The following TMEM39B variants were observed in gnomAD, a reference collection of about 807,000 sequenced individuals.
The protein encoded by TMEM39B is transmembrane protein 39B.
A neutral mutation model predicts 52.2 loss-of-function variants in TMEM39B; 23 were observed. That is an observed-to-expected ratio of 0.44 (90% confidence interval 0.32 to 0.62). TMEM39B has a LOEUF of 0.62. Among genes scored for constraint, TMEM39B ranks in the 20% least tolerant of loss-of-function variants. The pLI, the probability that TMEM39B is intolerant of heterozygous loss-of-function variation, is 0.06. For synonymous variants in TMEM39B, 285 were observed against 264.0 expected (o/e 1.08, Z -0.77); for missense variants, 547 against 642.0 (o/e 0.85, Z 1.60).
intron 5 of TMEM39B, among the ~76,000 whole-genome samples, chr1:32,081,216 TTACAGACAGAGTCTG>T (rs1640082761): frequency 1.3e-5 from 2 of 151,772 alleles, no homozygotes; most frequent in South Asian, 4.2e-4. Context: ...GTTTGTTTGT[TTACAGACAGAGTCTG>T]TAAACCTATT....
At position 32,091,864 on chromosome 1, in the gene TMEM39B, C is replaced by T; in HGVS notation, c.780C>T (p.Pro260=). 6.2e-7 allele frequency: 1 copy of T among 1,614,238 alleles called. No homozygotes were observed. Among genetic ancestry groups the T allele is most frequent in the Non-Finnish European group, 8.5e-7 (1 of 1,180,048 alleles). ...AGCTGTATGGCCCGGACGCCATGCCCACCCATGCCTGCTGCCTGTCACCCA... is the reference window on the plus strand; with the variant it reads ...AGCTGTATGGCCCGGACGCCATGCCTACCCATGCCTGCTGCCTGTCACCCA... ...TRQLYGPDAM[P]THACCLSPSL... The change falls in exon 6 of 9, where the codon CCC becomes CCT. Residue 260 remains proline, a synonymous_variant. Transcript: ENST00000336294.
intron 5 of TMEM39B, among the ~76,000 whole-genome samples, chr1:32,081,621 G>A (rs184908589): frequency 1.2e-3 from 184 of 151,950 alleles, no homozygotes; most frequent in African/African-American, 4.1e-3. Flanking sequence ...GGTGGTGCAC[G>A]CCTGTAGTCC....
chr1:32,080,101 G>A (rs936720456), intron 5 of TMEM39B, among the ~76,000 whole-genome samples: 3 of 151,800 alleles, frequency 2.0e-5, no homozygotes, highest in South Asian at 4.2e-4. Flanking sequence ...TGTTAGCCAG[G>A]ATGGTCTCGA....
At chr1:32,101,653 A>G (rs1641024023) in intron 8 of TMEM39B, among the ~76,000 whole-genome samples, 1 of 152,190 alleles carries the variant, frequency 6.6e-6, no homozygotes, top group Non-Finnish European at 1.5e-5. Context: ...CAAGCCCCAG[A>G]GAGGAAAGGG....
chr1:32,094,961 C>T lies in TMEM39B; in HGVS notation c.1105C>T (p.Leu369=), dbSNP rs1469709744. Residue 369 remains leucine, a synonymous_variant, in exon 7 of 9, where the codon CTG becomes TTG. Coordinates refer to ENST00000336294, the MANE Select transcript of TMEM39B (RefSeq NM_018056.4). ...GGACCCAGCGCTGTGCTCCAACGTG[C>T]TGCAGCACCCGTGAGTCACCCTACC... The part of the protein sequence containing the change: ...KVDPALCSNV[L]QHPWTEECMW... 27 of 1,613,260 alleles carry T rather than the reference C, an allele frequency of 1.7e-5. No individual in the cohort carries two copies. Among genetic ancestry groups the T allele is most frequent in the Non-Finnish European group, 2.2e-5 (26 of 1,180,006 alleles).
intron 1 of TMEM39B, 190 bp downstream of exon 1, chr1:32,073,241 T>G (rs767371508): frequency 6.3e-5 from 35 of 559,978 alleles, no homozygotes; most frequent in Non-Finnish European, 8.9e-5. Flanking sequence ...GGCGGGACAT[T>G]GGACGGTGGG....
intron 8 of TMEM39B, 65 bp from the exon 9 acceptor site, chr1:32,102,366 A>T: frequency 6.4e-7 from 1 of 1,569,882 alleles, no homozygotes; most frequent in Non-Finnish European, 8.6e-7. Context: ...CCCACCCAGA[A>T]CCCCCATCCA....
chr1:32,073,160 G>A (rs1639705527), intron 1 of TMEM39B, 109 bp downstream of exon 1: 3 of 1,334,660 alleles, frequency 2.2e-6, no homozygotes, highest in South Asian at 3.4e-5. Context: ...GACGGGAGGG[G>A]GAGGGGATGC....
At chr1:32,073,859 G>GC in intron 1 of TMEM39B, 9 of 985,328 alleles carry the variant, frequency 9.1e-6, no homozygotes, top group Non-Finnish European at 1.1e-5. Context: ...AGGCTGCTGT[G>GC]TTACTGTGAA....
chr1:32,095,111 G>A, intron 7 of TMEM39B, 140 bp downstream of exon 7: 1 of 1,055,020 alleles, frequency 9.5e-7, no homozygotes, highest in East Asian at 2.6e-5. Flanking sequence ...CAGGTGTCCA[G>A]GGTGGGGTAT....
chr1:32,086,427 C>A (rs191743180), intron 5 of TMEM39B, among the ~76,000 whole-genome samples: 1 of 152,158 alleles, frequency 6.6e-6, no homozygotes, highest in Non-Finnish European at 1.5e-5. Context: ...GAGATGTGCT[C>A]TAAGTGTAAA....
At chr1:32,074,119 G>A (rs1409113989) in intron 1 of TMEM39B, among the ~76,000 whole-genome samples, 1 of 152,062 alleles carries the variant, frequency 6.6e-6, no homozygotes, top group Non-Finnish European at 1.5e-5. Context: ...GTGGGAGCTT[G>A]GGCTAGACTG....
intron 5 of TMEM39B, among the ~76,000 whole-genome samples, chr1:32,079,372 G>A (rs1639997950): frequency 6.6e-6 from 1 of 151,874 alleles, no homozygotes; most frequent in Admixed American, 6.6e-5. Context: ...TTTTAGTAGA[G>A]ACAGGGTTTC....
chr1:32,074,142 G>A (rs1639756797), intron 1 of TMEM39B, among the ~76,000 whole-genome samples: 1 of 151,984 alleles, frequency 6.6e-6, no homozygotes, highest in Non-Finnish European at 1.5e-5. Flanking sequence ...CAGCCTAGTA[G>A]GTCCAATTTT....
intron 5 of TMEM39B, among the ~76,000 whole-genome samples, chr1:32,089,025 G>A (rs964369456): frequency 9.2e-5 from 14 of 152,040 alleles, no homozygotes; most frequent in African/African-American, 2.9e-4. Context: ...GCTGAGAGTG[G>A]GATCAATACA....
chr1:32,101,181 G>A (rs369575647), intron 8 of TMEM39B, among the ~76,000 whole-genome samples: 10 of 152,192 alleles, frequency 6.6e-5, no homozygotes, highest in African/African-American at 1.7e-4. Flanking sequence ...CAGGCATGTC[G>A]TTAAGCACTC....
rs1357321472 is a variant in TMEM39B at position 32,075,670 on chromosome 1, T to C, written c.199T>C (p.Cys67Arg). The change falls in exon 3 of 9, where the codon TGC becomes CGC. Residue 67 changes from cysteine (C) to arginine (R), a missense_variant. Transcript: ENST00000336294. ...ATQTVVPLQH[C>R]KIPELPVQAS... Reference sequence around the variant, plus strand: ...CCAAACTGTTGTGCCTCTACAGCACTGCAAGATCCCCGAGCTGCCAGTCCA... The same window carrying C: ...CCAAACTGTTGTGCCTCTACAGCACCGCAAGATCCCCGAGCTGCCAGTCCA... The C allele has an allele frequency of 1.3e-6, 2 of 1,551,652 alleles. No individual in the cohort carries two copies. Among genetic ancestry groups the C allele is most frequent in the Non-Finnish European group, 1.7e-6 (2 of 1,147,024 alleles).
Position 32,072,943 on chromosome 1 carries a change from C to T in TMEM39B, c.-105C>T. 6 of 1,427,796 alleles carry T rather than the reference C, an allele frequency of 4.2e-6. No homozygotes were observed. In the South Asian group the frequency reaches 7.7e-5, roughly 18 times the overall value. The allele number at this position is 1,427,796 out of a possible 1,614,324, so 88.4% of individuals were successfully genotyped here. ...GCGCGGCGGGAGCGCGCGGCTGATACCCGGGACTGGGCTGCGGCGGTTAGT... is the reference window on the plus strand; with the variant it reads ...GCGCGGCGGGAGCGCGCGGCTGATATCCGGGACTGGGCTGCGGCGGTTAGT... On this transcript the variant is annotated 5_prime_UTR_variant, in exon 1 of 9. Coordinates refer to ENST00000336294, the MANE Select transcript of TMEM39B (RefSeq NM_018056.4).
At chr1:32,076,616 C>T (rs1321451244) in intron 3 of TMEM39B, 147 bp from the exon 4 acceptor site, 1 of 812,124 alleles carries the variant, frequency 1.2e-6, no homozygotes, top group East Asian at 2.6e-5. Flanking sequence ...TAGGTAATTT[C>T]CTGGCCTGAC....
Sources: gnomAD v4.1 joint callset for allele counts (sites outside exome capture counted in the v4.1 genomes callset) on GRCh38, gnomAD v4.1.1 for gene constraint, MANE v1.5 for transcripts, NCBI Gene and HGNC (gene_info 2026-07-23, HGNC 2026-07-21) for gene names.